Variants in RREB1 observed in about 807,000 individuals in gnomAD.
RREB1 encodes the protein ras responsive element binding protein 1, also known as ras-responsive element-binding protein 1.
In RREB1, 27 loss-of-function variants were observed where a neutral mutation model predicts 117.8. The observed-to-expected ratio is 0.23, with a 90% CI of 0.17 to 0.32. The LOEUF is 0.32. Among genes scored for constraint, RREB1 ranks in the 10% least tolerant of loss-of-function variants. The pLI is 1.00. For missense variants in RREB1, 2,577 were observed against 2,378.2 expected, an observed-to-expected ratio of 1.08 and a Z score of -1.74; for synonymous variants, 1,298 against 1,026.7, an observed-to-expected ratio of 1.26 and a Z score of -5.05.
rs1268654731 is a variant in RREB1, at chr6:7,229,096, C to T, written c.997C>T (p.Leu333=). Residue 333 remains leucine (L), a synonymous_variant, in exon 10 of 13, where the codon CTG becomes TTG. Transcript: ENST00000379938. The surrounding 1 kb of genome is among the most constrained non-coding windows in gnomAD (Gnocchi z 4.5). The part of the protein sequence containing the change: ...KAFPMLCSLA[L]HKQTHVAADQ... ...GTTCCCCATGCTCTGCTCACTGGCT[C>T]TGCACAAGCAGACCCATGTGGCGGC... 1.2e-6 allele frequency: 2 copies of T among 1,603,410 alleles called. No homozygotes were observed. The highest frequency in any genetic ancestry group is 1.7e-6 in the Non-Finnish European group (2 of 1,171,546).
chr6:7,181,864 T>G lies in RREB1; in HGVS notation c.-42-6T>G. 6.2e-7 allele frequency: 1 copy of G among 1,606,468 alleles called. No homozygotes were observed. Among genetic ancestry groups the G allele is most frequent in the East Asian group, 2.2e-5 (1 of 44,838 alleles). ...CATGATCACATCAGCAATTTCCAAT[T>G]TTCAGTTTTATAGCAGAGGCTTCTT... is the stretch of plus-strand genomic sequence containing the variant. On this transcript the variant is annotated splice_polypyrimidine_tract_variant and splice_region_variant and intron_variant, in intron 3 of 12. Transcript: ENST00000379938.
Position 7,246,939 on chromosome 6 carries a change from G to A in RREB1, c.4489G>A (p.Glu1497Lys), listed in dbSNP as rs373051958. 2,216 of 1,558,578 alleles carry A rather than the reference G, an allele frequency of 1.4e-3. 36 individuals carry two copies. The South Asian group carries it at 0.019, about 13-fold the overall frequency. Residue 1497 changes from glutamate (E) to lysine (K), a missense_variant, in exon 12 of 13, where the codon GAG (glutamate) becomes AAG (lysine). By Grantham distance (56) the Glu-to-Lys change is moderately conservative. Coordinates refer to ENST00000379938, the MANE Select transcript of RREB1 (RefSeq NM_001003699.4). ...GGGGCCCCAGCCCGCCCCTGAACAG[G>A]AGGAGAAGCCCCCCGAGACCCCGGC... is the stretch of plus-strand genomic sequence containing the variant. ...EEGPQPAPEQ[E>K]EKPPETPAEV...
intron 8 of RREB1, chr6:7,219,005 T>C (rs1370634794): frequency 1.4e-5 from 2 of 147,436 alleles, no homozygotes; most frequent in African/African-American, 2.5e-5. Flanking sequence ...CTCAGTACTT[T>C]GGGAGGCCGA....
At chr6:7,224,186 A>T (rs2113079122) in intron 8 of RREB1, among the ~76,000 whole-genome samples, 1 of 152,314 alleles carries the variant, frequency 6.6e-6, no homozygotes, top group Non-Finnish European at 1.5e-5. Context: ...AGTTTCAGGG[A>T]TTATCAACTC....
chr6:7,153,535 G>T (rs986183269), intron 1 of RREB1, among the ~76,000 whole-genome samples: 8 of 152,006 alleles, frequency 5.3e-5, no homozygotes, highest in African/African-American at 1.9e-4. Flanking sequence ...TAATCATGTT[G>T]CAGTAAATAA....
intron 11 of RREB1, among the ~76,000 whole-genome samples, chr6:7,242,645 C>T (rs952345181): frequency 6.6e-6 from 1 of 151,592 alleles, no homozygotes; most frequent in South Asian, 2.1e-4. Context: ...TCTGGGTTCC[C>T]CCCCCCCAGT....
At position 7,201,947 on chromosome 6, in the gene RREB1, G is replaced by A. The variant is rs552771687; in HGVS notation, c.426-8857G>A. On this transcript the variant is annotated intron_variant, in intron 6 of 12. Transcript: ENST00000379938. ...AGAACAGAGGCCATGTGTGCACCAT[G>A]TCCATCCGTTTTAGATAAAAGTGGC... 9.2e-5 allele frequency among the ~76,000 whole-genome samples: 14 copies of A among 152,256 alleles called. No individual in the cohort carries two copies. In the East Asian group the frequency reaches 2.5e-3, roughly 27 times the overall value.
intron 1 of RREB1, among the ~76,000 whole-genome samples, chr6:7,141,466 C>T (rs956819649): frequency 1.3e-5 from 2 of 152,148 alleles, no homozygotes; most frequent in African/African-American, 2.4e-5. Flanking sequence ...GGAGCGAACC[C>T]GTGCCCGCCC....
chr6:7,196,429 A>G (rs1765683443), intron 6 of RREB1, among the ~76,000 whole-genome samples: 1 of 151,688 alleles, frequency 6.6e-6, no homozygotes, highest in Middle Eastern at 3.4e-3. Flanking sequence ...CTTTTTGTAG[A>G]GTTTCCTTTA....
intron 1 of RREB1, among the ~76,000 whole-genome samples, chr6:7,135,799 A>T (rs1294207015): frequency 2.0e-5 from 3 of 152,170 alleles, no homozygotes; most frequent in Non-Finnish European, 4.4e-5. Context: ...GCTCTAGGGG[A>T]CTTAGCAAAA....
rs149291561 is a variant in RREB1 at position 7,173,675 on chromosome 6, G to A, written c.-284-2980G>A. 8.6e-5 allele frequency among the ~76,000 whole-genome samples: 13 copies of A among 151,916 alleles called. No individual in the cohort carries two copies. The South Asian group carries it at 2.3e-3, about 27-fold the overall frequency. ...AAAAATGCAAAAATTAAAGTTAGCC[G>A]GGTGTGGTGGCACACACGCCTGTAA... On this transcript the variant is annotated intron_variant, in intron 1 of 12. Coordinates refer to ENST00000379938, the MANE Select transcript of RREB1 (RefSeq NM_001003699.4).
At chr6:7,145,902 C>T (rs1415992249) in intron 1 of RREB1, among the ~76,000 whole-genome samples, 2 of 151,882 alleles carry the variant, frequency 1.3e-5, no homozygotes, top group Admixed American at 1.3e-4. Context: ...ATCTATTTGC[C>T]AGAAAGGAGT....
intron 6 of RREB1, among the ~76,000 whole-genome samples, chr6:7,200,254 G>GTGTA (rs1396961566): frequency 2.6e-5 from 3 of 116,156 alleles, no homozygotes; most frequent in Non-Finnish European, 4.8e-5. Flanking sequence ...ATGTGTGTGT[G>GTGTA]TGTGTGTGTG....
chr6:7,247,415 T>C (rs567257423), intron 12 of RREB1, among the ~76,000 whole-genome samples, 194 bp downstream of exon 12: 2 of 152,296 alleles, frequency 1.3e-5, no homozygotes, highest in African/African-American at 4.8e-5. Flanking sequence ...GCAGGCCTCC[T>C]GCAGCCAGGC....
Position 7,231,597 on chromosome 6 carries a change from C to G in RREB1, c.3498C>G (p.Asn1166Lys). ...KRGMRSRPRANSGGVDLDSSG... is the reference protein window; with the variant it reads ...KRGMRSRPRAKSGGVDLDSSG... ...GGATGAGGAGCCGACCCCGCGCCAA[C>G]AGCGGCGGGGTGGACCTGGACTCCA... Residue 1166 changes from asparagine to lysine, a missense_variant, in exon 10 of 13, where the codon AAC (asparagine) becomes AAG (lysine). Transcript: ENST00000379938. The G allele has an allele frequency of 6.2e-7, 1 of 1,612,122 alleles. No homozygotes were observed. Among genetic ancestry groups the G allele is most frequent in the South Asian group, 1.1e-5 (1 of 91,028 alleles).
intron 1 of RREB1, among the ~76,000 whole-genome samples, chr6:7,157,681 G>A (rs1763445545): frequency 6.6e-6 from 1 of 152,072 alleles, no homozygotes; most frequent in Admixed American, 6.6e-5. Flanking sequence ...TGAGGTCGGA[G>A]GGTTGCTTGA....
intron 1 of RREB1, among the ~76,000 whole-genome samples, chr6:7,145,588 G>A (rs766607773): frequency 2.0e-5 from 3 of 152,068 alleles, no homozygotes; most frequent in Non-Finnish European, 4.4e-5. Context: ...GTTCAAGTGC[G>A]TGAAAACTGG....
chr6:7,132,291 G>T (rs1018377891), intron 1 of RREB1, among the ~76,000 whole-genome samples: 6 of 152,102 alleles, frequency 3.9e-5, no homozygotes, highest in African/African-American at 1.4e-4. Context: ...CTGACCTCAG[G>T]TGATCTACCT....
At chr6:7,149,128 G>A (rs1220979518) in intron 1 of RREB1, among the ~76,000 whole-genome samples, 1 of 152,094 alleles carries the variant, frequency 6.6e-6, no homozygotes, top group Non-Finnish European at 1.5e-5. Flanking sequence ...TCACCATATT[G>A]GTCAGGCTGG....
Sources: gnomAD v4.1 joint callset for allele counts (sites outside exome capture counted in the v4.1 genomes callset) on GRCh38, gnomAD v4.1.1 for gene constraint, Gnocchi (gnomAD v3.1) non-coding constraint, MANE v1.5 for transcripts, NCBI Gene and HGNC (gene_info 2026-07-23, HGNC 2026-07-21) for gene names.